Variants in NEB observed in about 807,000 individuals in gnomAD.
NEB encodes nemaline myopathy type 2.
A neutral mutation model predicts 952.2 loss-of-function variants in NEB; 512 were observed. The observed-to-expected ratio is 0.54, with a 90% CI of 0.50 to 0.58. The LOEUF (loss-of-function observed/expected upper bound fraction) is 0.58. NEB is among the 20% of genes least tolerant of loss of function. The pLI is 0.00. For missense variants in NEB, 8,428 were observed against 9,231.1 expected, an observed-to-expected ratio of 0.91 and a Z score of 3.56; for synonymous variants, 2,900 against 3,149.8, an observed-to-expected ratio of 0.92 and a Z score of 2.66.
Position 151,630,814 on chromosome 2 carries a change from T to C in NEB, c.9624A>G (p.Leu3208=), listed in dbSNP as rs1309537285. 18 of 1,588,394 alleles carry C rather than the reference T, an allele frequency of 1.1e-5. No individual in the cohort carries two copies. Among genetic ancestry groups the C allele is most frequent in the Non-Finnish European group, 1.4e-5 (16 of 1,167,072 alleles). ...TGTCTTTGTCCCAGGCCTCTGTGTA[T>C]AAACGCTATAAAAGAAGATAAGATG... The part of the protein sequence containing the change: ...KNNALNMNKR[L]YTEAWDKDKT... The change falls in exon 67 of 182, where the codon TTA becomes TTG. Residue 3208 remains leucine, a synonymous_variant. Coordinates refer to ENST00000397345, the MANE Select transcript of NEB (RefSeq NM_001164508.2).
At chr2:151,527,996 T>A (rs1158570620) in intron 146 of NEB, among the ~76,000 whole-genome samples, 1 of 152,216 alleles carries the variant, frequency 6.6e-6, no homozygotes, top group East Asian at 1.9e-4. Flanking sequence ...ACAAAACTAA[T>A]TAAATGAATT....
Position 151,646,634 on chromosome 2 carries a change from C to T in NEB, c.7432-400G>A, listed in dbSNP as rs374331837. Among the ~76,000 whole-genome samples the T allele has an allele frequency of 9.9e-5, 15 of 152,232 alleles. No individual in the cohort carries two copies. The East Asian group carries it at 2.3e-3, about 24-fold the overall frequency. On this transcript the variant is annotated intron_variant, in intron 54 of 181. Coordinates refer to ENST00000397345, the MANE Select transcript of NEB (RefSeq NM_001164508.2). Reference sequence around the variant, plus strand: ...CCTAGAAATCAGGAAGTTTTATTTCCTATGTGGCTTATTGTTATCACTATC... The same window carrying T: ...CCTAGAAATCAGGAAGTTTTATTTCTTATGTGGCTTATTGTTATCACTATC...
chr2:151,522,844 C>T lies in NEB; in HGVS notation c.22479+1467G>A, dbSNP rs139583928. Among the ~76,000 whole-genome samples, 340 of 152,248 alleles carry T rather than the reference C, an allele frequency of 2.2e-3. 4 individuals are homozygous for T. The highest frequency in any genetic ancestry group is 0.02 in the Admixed American group (308 of 15,292). The stretch of plus-strand genomic sequence containing the variant: ...CCTTTGAGGTATTCCGCCTAGAGTA[C>T]GCAGCAAGACAGCAAAGTCAGAACA... On this transcript the variant is annotated intron_variant, in intron 153 of 181. Coordinates refer to ENST00000397345, the MANE Select transcript of NEB (RefSeq NM_001164508.2).
rs752334619 is a variant in NEB, at chr2:151,570,552, C to G, written c.17063G>C (p.Arg5688Pro). 1 of 1,610,006 alleles carries G rather than the reference C, an allele frequency of 6.2e-7. No homozygotes were observed. Among genetic ancestry groups the G allele is most frequent in the East Asian group, 2.2e-5 (1 of 44,650 alleles). The change falls in exon 108 of 182, where the codon CGG (arginine) becomes CCG (proline). Residue 5688 changes from arginine to proline, a missense_variant. Physicochemically the swap from Arg to Pro is moderately radical, Grantham distance 103. Around this residue, in one of 11 missense-constraint regions of NEB, gnomAD observed 3,374 missense variants for 3,651.5 expected, o/e 0.92. Coordinates refer to ENST00000397345, the MANE Select transcript of NEB (RefSeq NM_001164508.2). Reference protein sequence around the residue: ...WDEMKAGCDVRLDAIPIQAAK... With the variant: ...WDEMKAGCDVPLDAIPIQAAK... ...AGCCTGGATGGGGATGGCATCCAGC[C>G]GGACATCACAGCCCGCCTTCATTTC...
chr2:151,721,272 C>T (rs564675123), intron 9 of NEB, among the ~76,000 whole-genome samples: 32 of 152,220 alleles, frequency 2.1e-4, no homozygotes, highest in African/African-American at 6.5e-4. Flanking sequence ...TGCTGTTTTC[C>T]GCTCCAAAAT....
In NEB at chr2:151,514,356, T is replaced by A. The variant is rs777514661; in HGVS notation, c.23089A>T (p.Met7697Leu). Reference sequence around the variant, plus strand: ...TGAGTGGCATTCTTTGCTCTTAGCATGTCAGGTGTATCTTCCATTTCAGTG... The same window carrying A: ...TGAGTGGCATTCTTTGCTCTTAGCAAGTCAGGTGTATCTTCCATTTCAGTG... ...GLTEMEDTPD[M>L]LRAKNATQIL... Residue 7697 changes from methionine (M) to leucine (L), a missense_variant, in exon 159 of 182, where the codon ATG (methionine) becomes TTG (leucine). This residue lies in a region of NEB where 3,374 missense variants were observed against 3,651.5 expected (regional missense o/e 0.92). Transcript: ENST00000397345. The A allele has an allele frequency of 7.4e-6, 12 of 1,613,878 alleles. No individual in the cohort carries two copies. The highest frequency in any genetic ancestry group is 1.0e-5 in the Non-Finnish European group (12 of 1,179,756).
At chr2:151,529,529 A>G (rs960761647) in intron 145 of NEB, among the ~76,000 whole-genome samples, 6 of 146,006 alleles carry the variant, frequency 4.1e-5, no homozygotes, top group African/African-American at 1.5e-4. Context: ...CAGTGTTGCC[A>G]TATAATTTTT....
chr2:151,533,029 G>A (rs1030891917), intron 143 of NEB, among the ~76,000 whole-genome samples: 6 of 152,196 alleles, frequency 3.9e-5, no homozygotes, highest in South Asian at 2.1e-4. Context: ...TCATCTCCCT[G>A]CAACAGTTGT....
At chr2:151,556,643 A>G (rs986708372) in intron 124 of NEB, among the ~76,000 whole-genome samples, 4 of 152,182 alleles carry the variant, frequency 2.6e-5, no homozygotes, top group African/African-American at 7.2e-5. Context: ...AAAGGGATCA[A>G]TGAAAGAAGA....
chr2:151,499,476 C>T (rs2062810075), intron 168 of NEB, 86 bp from the exon 169 acceptor site: 4 of 714,786 alleles, frequency 5.6e-6, no homozygotes, highest in Admixed American at 2.2e-5. Context: ...TGGTATAAAA[C>T]TACAGACGTC....
At chr2:151,634,024 G>A (rs1172645028) in intron 64 of NEB, 59 bp from the exon 65 acceptor site, 1 of 1,537,412 alleles carries the variant, frequency 6.5e-7, no homozygotes, top group Non-Finnish European at 8.8e-7. Context: ...CCACAAGTCT[G>A]TGCAAAATCA....
At position 151,538,188 on chromosome 2, in the gene NEB, A is replaced by G. The variant is rs746452808; in HGVS notation, c.20949T>C (p.Asp6983=). The G allele has an allele frequency of 1.2e-6, 2 of 1,613,256 alleles. No individual in the cohort carries two copies. The highest frequency in any genetic ancestry group is 3.3e-5 in the Admixed American group (2 of 59,994). ...TGCGATGATAGACAATGTCTAGGGC[A>G]TCTTTCACCGTGTGGTATTTCCCTT... ...KTKGKYHTVK[D]ALDIVYHRKV... The change falls in exon 139 of 182, where the codon GAT becomes GAC. Residue 6983 remains aspartate (D), a synonymous_variant. Transcript: ENST00000397345.
rs2153764831 is a variant in NEB, at chr2:151,570,560, A to G, written c.17055T>C (p.Cys5685=). The G allele has an allele frequency of 6.2e-7, 1 of 1,607,978 alleles. No individual in the cohort carries two copies. Among genetic ancestry groups the G allele is most frequent in the East Asian group, 2.2e-5 (1 of 44,556 alleles). The part of the protein sequence containing the change: ...REGWDEMKAG[C]DVRLDAIPIQ... ...TGGGGATGGCATCCAGCCGGACATC[A>G]CAGCCCGCCTTCATTTCATCCCAGC... is the stretch of plus-strand genomic sequence containing the variant. The change falls in exon 108 of 182, where the codon TGT becomes TGC. Residue 5685 remains cysteine (C), a synonymous_variant. Coordinates refer to ENST00000397345, the MANE Select transcript of NEB (RefSeq NM_001164508.2).
intron 136 of NEB, 29 bp from the exon 137 acceptor site, chr2:151,540,830 T>C (rs1461898672): frequency 1.9e-6 from 3 of 1,546,354 alleles, no homozygotes; most frequent in South Asian, 1.1e-5. Flanking sequence ...TGAGGTGTCA[T>C]AGAGATAAAG....
chr2:151,620,852 G>A, intron 72 of NEB, 67 bp downstream of exon 72: 1 of 1,221,378 alleles, frequency 8.2e-7, no homozygotes, highest in Non-Finnish European at 1.2e-6. Context: ...TGACCAAAGA[G>A]ACATCCAGCT....
At chr2:151,520,803 G>GC (rs2081416072) in intron 153 of NEB, among the ~76,000 whole-genome samples, 1 of 152,190 alleles carries the variant, frequency 6.6e-6, no homozygotes. Flanking sequence ...GGTGGAGGCT[G>GC]CAGTGAGTCA....
At chr2:151,626,623 G>A (rs560492956) in intron 70 of NEB, among the ~76,000 whole-genome samples, 6 of 151,400 alleles carry the variant, frequency 4.0e-5, no homozygotes, top group East Asian at 1.9e-4. Flanking sequence ...TACGAGCTCC[G>A]CCTCTCAGGT....
Position 151,643,673 on chromosome 2 carries a change from G to T in NEB, c.7956+145C>A, listed in dbSNP as rs1271554222. The T allele has an allele frequency of 8.3e-6, 11 of 1,323,162 alleles. No individual in the cohort carries two copies. The Admixed American group carries it at 3.1e-4, about 37-fold the overall frequency. 82.0% of individuals were successfully genotyped at this position (1,323,162 alleles called of 1,614,324 possible). On this transcript the variant is annotated intron_variant, in intron 57 of 181. Transcript: ENST00000397345. ...CTGGCTCTTTCTTTGTGGAATAATG[G>T]TGCCTCCAGATGTCTGGGTGACTAG...
chr2:151,726,984 G>A (rs2099793247), intron 5 of NEB, among the ~76,000 whole-genome samples: 1 of 151,720 alleles, frequency 6.6e-6, no homozygotes, highest in African/African-American at 2.4e-5. Context: ...CAGGGGTCTG[G>A]GGCTGAAGTG....
Sources: allele counts gnomAD v4.1 joint callset (sites outside exome capture counted in the v4.1 genomes callset), GRCh38; gene constraint gnomAD v4.1.1; regional missense constraint gnomAD v4.1.1; transcripts MANE v1.5; gene names NCBI Gene and HGNC (gene_info 2026-07-23, HGNC 2026-07-21).